Variants in PHYHIPL observed in about 807,000 individuals in gnomAD.
The protein encoded by PHYHIPL is phytanoyl-CoA 2-hydroxylase interacting protein like.
PHYHIPL carries 9 observed loss-of-function variants against 33.4 expected under a neutral mutation model. That is an observed-to-expected ratio of 0.27 (90% CI 0.16 to 0.47). The LOEUF (loss-of-function observed/expected upper bound fraction) is 0.47. Among genes scored for constraint, PHYHIPL ranks in the 20% least tolerant of loss-of-function variants. The pLI is 0.99. For missense variants in PHYHIPL, 365 were observed against 460.7 expected, an observed-to-expected ratio of 0.79 and a Z score of 1.90; for synonymous variants, 153 against 154.1, an observed-to-expected ratio of 0.99 and a Z score of 0.05.
At chr10:59,180,257 TACACACAC>T (rs140480148) in intron 1 of PHYHIPL, among the ~76,000 whole-genome samples, 2 of 118,940 alleles carry the variant, frequency 1.7e-5, no homozygotes, top group Non-Finnish European at 3.5e-5. Context: ...ATCATATATA[TACACACAC>T]ACACACACAC....
chr10:59,193,386 G>C lies in PHYHIPL; in HGVS notation c.106+16427G>C, dbSNP rs546853678. 7.2e-5 allele frequency among the ~76,000 whole-genome samples: 11 copies of C among 152,248 alleles called. No individual in the cohort carries two copies. The South Asian group carries it at 2.3e-3, about 32-fold the overall frequency. ...TTTTTCCCCTTAAGCAACATAATCT[G>C]TGTTGCATAAAATAAATACAGTGCA... On this transcript the variant is annotated intron_variant, in intron 1 of 4. Coordinates refer to ENST00000373880, the MANE Select transcript of PHYHIPL (RefSeq NM_032439.4).
chr10:59,235,904 T>C (rs775002091), intron 2 of PHYHIPL, among the ~76,000 whole-genome samples: 1 of 151,958 alleles, frequency 6.6e-6, no homozygotes, highest in African/African-American at 2.4e-5. Context: ...TTTTCTCCTT[T>C]AACCTGTAAA....
At chr10:59,216,950 T>TAG (rs1839633286) in intron 1 of PHYHIPL, among the ~76,000 whole-genome samples, 1 of 152,164 alleles carries the variant, frequency 6.6e-6, no homozygotes, top group Non-Finnish European at 1.5e-5. Flanking sequence ...CAATAATGCA[T>TAG]GTCTGTTGAA....
intron 4 of PHYHIPL, among the ~76,000 whole-genome samples, chr10:59,242,541 T>A (rs1840438779): frequency 6.6e-6 from 1 of 151,642 alleles, no homozygotes; most frequent in African/African-American, 2.4e-5. Context: ...ACCAGGAAAA[T>A]CTTAACCTGA....
At chr10:59,203,539 T>C (rs1320797267) in intron 1 of PHYHIPL, among the ~76,000 whole-genome samples, 3 of 151,966 alleles carry the variant, frequency 2.0e-5, no homozygotes, top group Non-Finnish European at 4.4e-5. Context: ...AATGATAGAC[T>C]GGATTAAGAA....
chr10:59,203,130 A>G (rs1156399019), intron 1 of PHYHIPL, among the ~76,000 whole-genome samples: 1 of 152,218 alleles, frequency 6.6e-6, no homozygotes, highest in Non-Finnish European at 1.5e-5. Context: ...ACTTCTCAAA[A>G]GAAGGCATTT....
chr10:59,224,503 A>ACAAAACG (rs1839870883), intron 1 of PHYHIPL, among the ~76,000 whole-genome samples: 1 of 152,172 alleles, frequency 6.6e-6, no homozygotes, highest in East Asian at 1.9e-4. Flanking sequence ...AACAAAAAAC[A>ACAAAACG]AAACAAAAAA....
intron 1 of PHYHIPL, among the ~76,000 whole-genome samples, chr10:59,200,972 C>T (rs2921273): frequency 0.25 from 37,251 of 151,888 alleles, 6,394 homozygotes; most frequent in African/African-American, 0.48. Context: ...GTCTTGCTAG[C>T]GGTCTATCCA....
chr10:59,201,464 A>T (rs2440864), intron 1 of PHYHIPL, among the ~76,000 whole-genome samples: 7,612 of 152,114 alleles, frequency 0.05, 501 homozygotes, highest in African/African-American at 0.15. Flanking sequence ...TGCTGAAGAG[A>T]GCTTTACTTC....
rs1461530176 is a variant in PHYHIPL at position 59,245,878 on chromosome 10, T to TAAC, written c.*290_*292dup. The stretch of plus-strand genomic sequence containing the variant: ...TTTTATGTTTCCTTTATGCCAAACA[T>TAAC]AACAAAACAGTTATATAGACTGCTT... On this transcript the variant is annotated 3_prime_UTR_variant, in exon 5 of 5. Transcript: ENST00000373880. 1 of 352,424 alleles carries TAAC rather than the reference T, an allele frequency of 2.8e-6. No homozygotes were observed. The highest frequency in any genetic ancestry group is 5.2e-6 in the Non-Finnish European group (1 of 192,974). The allele number at this position is 352,424 out of a possible 1,614,324, so 21.8% of individuals were successfully genotyped here.
At chr10:59,174,920 G>A (rs1020199626), upstream of PHYHIPL, among the ~76,000 whole-genome samples, 3 of 152,158 alleles carry the variant, frequency 2.0e-5, no homozygotes, top group African/African-American at 7.2e-5. Flanking sequence ...CTGGACATAG[G>A]TGCTTCATAA....
chr10:59,242,027 G>A (rs550008211), intron 4 of PHYHIPL, among the ~76,000 whole-genome samples: 3 of 152,214 alleles, frequency 2.0e-5, no homozygotes, highest in African/African-American at 4.8e-5. Context: ...CAAACAAACC[G>A]TAGTCCCTCA....
chr10:59,242,931 T>C (rs1011704515), intron 4 of PHYHIPL, among the ~76,000 whole-genome samples: 4 of 152,158 alleles, frequency 2.6e-5, no homozygotes, highest in Non-Finnish European at 4.4e-5. Context: ...AGATCTAATA[T>C]TCATGTTGTT....
chr10:59,180,314 G>T, intron 1 of PHYHIPL, among the ~76,000 whole-genome samples: 3 of 86,152 alleles, frequency 3.5e-5, no homozygotes, highest in South Asian at 4.4e-4. Context: ...TATAGAAAAA[G>T]TATATATATA....
chr10:59,205,615 A>T (rs1158035310), intron 1 of PHYHIPL, among the ~76,000 whole-genome samples: 1 of 152,184 alleles, frequency 6.6e-6, no homozygotes, highest in African/African-American at 2.4e-5. Flanking sequence ...ACAGAGTTTT[A>T]TGTGTAACCT....
chr10:59,221,298 T>C (rs1187166506), intron 1 of PHYHIPL, among the ~76,000 whole-genome samples: 1 of 152,090 alleles, frequency 6.6e-6, no homozygotes, highest in Non-Finnish European at 1.5e-5. Flanking sequence ...TACCTCATCT[T>C]TAAAACATGT....
chr10:59,202,742 CT>C (rs1342638928), intron 1 of PHYHIPL, among the ~76,000 whole-genome samples: 2 of 152,122 alleles, frequency 1.3e-5, no homozygotes, highest in Non-Finnish European at 2.9e-5. Flanking sequence ...GTTAAATTAC[CT>C]GTCTAATTTC....
intron 1 of PHYHIPL, among the ~76,000 whole-genome samples, chr10:59,230,454 A>G (rs187166160): frequency 8.9e-4 from 136 of 152,204 alleles, no homozygotes; most frequent in Admixed American, 2.6e-3. Context: ...GGCTCAAGCA[A>G]TCAGCCCGCC....
intron 1 of PHYHIPL, among the ~76,000 whole-genome samples, chr10:59,206,233 T>C (rs1433971790): frequency 6.6e-6 from 1 of 152,310 alleles, no homozygotes; most frequent in South Asian, 2.1e-4. Flanking sequence ...TACAACTTGC[T>C]GGTAAGCCTC....
Sources: gnomAD v4.1 joint callset for allele counts (sites outside exome capture counted in the v4.1 genomes callset) on GRCh38, gnomAD v4.1.1 for gene constraint, MANE v1.5 for transcripts, NCBI Gene and HGNC (gene_info 2026-07-23, HGNC 2026-07-21) for gene names.